Variants in CEP70 observed in about 807,000 individuals in gnomAD.
CEP70 encodes the protein centrosomal protein 70, also known as centrosomal protein of 70 kDa.
Under a neutral mutation model 90.9 loss-of-function variants are expected in CEP70, and 70 were observed. The observed-to-expected ratio is 0.77, with a 90% CI of 0.64 to 0.94. The LOEUF is 0.94. CEP70 is among the 40% of genes least tolerant of loss of function. The probability of loss-of-function intolerance (pLI) is 0.00; values close to 1 mark genes in which losing one functional copy is unlikely to be tolerated. For synonymous variants in CEP70, 220 were observed against 228.3 expected, an observed-to-expected ratio of 0.96 and a Z score of 0.33; for missense variants, 648 against 669.0, an observed-to-expected ratio of 0.97 and a Z score of 0.35.
At chr3:138,495,899 T>C in intron 17 of CEP70, 2 of 985,318 alleles carry the variant, frequency 2.0e-6, no homozygotes, top group Non-Finnish European at 2.4e-6. Flanking sequence ...CCTCATCGAG[T>C]GTACAAACCT....
chr3:138,551,350 C>A (rs1304741972), intron 6 of CEP70, among the ~76,000 whole-genome samples: 1 of 152,162 alleles, frequency 6.6e-6, no homozygotes, highest in Non-Finnish European at 1.5e-5. Flanking sequence ...AATACAAGAA[C>A]TACTAAAAGA....
At chr3:138,573,695 G>C (rs901253621) in intron 2 of CEP70, among the ~76,000 whole-genome samples, 1 of 152,166 alleles carries the variant, frequency 6.6e-6, no homozygotes, top group Admixed American at 6.6e-5. Flanking sequence ...TACATAATGA[G>C]ATCTTGTGAA....
At position 138,521,492 on chromosome 3, in the gene CEP70, T is replaced by C. The variant is rs185901880; in HGVS notation, c.944+3998A>G. Reference sequence around the variant, plus strand: ...CTAGGAAGTGAGGAGCGTCTCTGCCTGGCTGCCCATTGTCTGGGATGTGGG... The same window carrying C: ...CTAGGAAGTGAGGAGCGTCTCTGCCCGGCTGCCCATTGTCTGGGATGTGGG... On this transcript the variant is annotated intron_variant, in intron 11 of 17. Coordinates refer to ENST00000264982, the MANE Select transcript of CEP70 (RefSeq NM_024491.4). 4.7e-3 allele frequency among the ~76,000 whole-genome samples: 703 copies of C among 148,082 alleles called. 4 individuals carry two copies. Among genetic ancestry groups the C allele is most frequent in the African/African-American group, 0.017 (676 of 39,736 alleles).
intron 13 of CEP70, among the ~76,000 whole-genome samples, chr3:138,501,461 C>A (rs2034503367): frequency 6.6e-6 from 1 of 152,150 alleles, no homozygotes; most frequent in Non-Finnish European, 1.5e-5. Context: ...CCCTGCAGCT[C>A]CTAGGGTTAA....
chr3:138,522,354 G>A (rs1370527550), intron 11 of CEP70, among the ~76,000 whole-genome samples: 1 of 149,294 alleles, frequency 6.7e-6, no homozygotes. Context: ...CTAGCAAAAG[G>A]CAAGAAATAA....
intron 6 of CEP70, 147 bp from the exon 7 acceptor site, chr3:138,537,494 A>G (rs2038384503): frequency 2.0e-6 from 1 of 488,696 alleles, no homozygotes; most frequent in Non-Finnish European, 3.5e-6. Flanking sequence ...TTAAATGAGT[A>G]TAAGCTCCAG....
Position 138,525,599 on chromosome 3 carries a change from T to A in CEP70, c.870-35A>T, listed in dbSNP as rs149616624. 4.2e-4 allele frequency: 426 copies of A among 1,022,592 alleles called. No homozygotes were observed. The African/African-American group carries it at 6.6e-3, about 16-fold the overall frequency. The allele number at this position is 1,022,592 out of a possible 1,614,324, so 63.3% of individuals were successfully genotyped here. ...ATAAATAATGATAAATTAATTCAAT[T>A]TACTGAATAAAAGCATAAAGGTACT... On this transcript the variant is annotated intron_variant, in intron 10 of 17. Transcript: ENST00000264982.
At chr3:138,528,513 C>T (rs1576664564) in intron 10 of CEP70, among the ~76,000 whole-genome samples, 1 of 152,148 alleles carries the variant, frequency 6.6e-6, no homozygotes, top group East Asian at 1.9e-4. Context: ...AGCAAAGGAG[C>T]TAGAATGGTG....
chr3:138,527,394 T>C (rs963980182), intron 10 of CEP70, among the ~76,000 whole-genome samples: 5 of 151,848 alleles, frequency 3.3e-5, no homozygotes, highest in Non-Finnish European at 5.9e-5. Context: ...CAGGCCTGGC[T>C]AATTTTTAAA....
intron 6 of CEP70, among the ~76,000 whole-genome samples, chr3:138,562,152 A>G (rs996994324): frequency 2.0e-5 from 3 of 152,056 alleles, no homozygotes; most frequent in African/African-American, 7.2e-5. Flanking sequence ...ACAAGATTAG[A>G]GAAAAAAGAA....
At chr3:138,521,545 G>T (rs576771236) in intron 11 of CEP70, among the ~76,000 whole-genome samples, 1 of 150,160 alleles carries the variant, frequency 6.7e-6, no homozygotes, top group Non-Finnish European at 1.5e-5. Flanking sequence ...CGCCCCATCT[G>T]GGATGTGAGG....
In CEP70 at chr3:138,495,015, T is replaced by A; in HGVS notation, c.1794A>T (p.Ter598CysextTer14). The change falls in exon 18 of 18, where the codon TGA becomes TGT. Residue 598 changes from the stop codon to cysteine (C), a stop_lost. Transcript: ENST00000264982. ...AVKKLKVLSY[*>C] Reference sequence around the variant, plus strand: ...ACAGTAAAAATGATTTGATTTGTTTTCAGTATGAAAGTACTTTTAATTTCT... The same window carrying A: ...ACAGTAAAAATGATTTGATTTGTTTACAGTATGAAAGTACTTTTAATTTCT... 1 of 1,405,108 alleles carries A rather than the reference T, an allele frequency of 7.1e-7. No individual in the cohort carries two copies. Among genetic ancestry groups the A allele is most frequent in the Non-Finnish European group, 1.0e-6 (1 of 998,896 alleles). 87.0% of individuals were successfully genotyped at this position (1,405,108 alleles called of 1,614,324 possible).
intron 2 of CEP70, among the ~76,000 whole-genome samples, chr3:138,573,435 C>A (rs1459073675): frequency 1.3e-5 from 2 of 151,132 alleles, no homozygotes; most frequent in Non-Finnish European, 2.9e-5. Flanking sequence ...ACACTAATAT[C>A]TTCAATGTGC....
At chr3:138,568,725 A>C (rs1372103396) in intron 6 of CEP70, among the ~76,000 whole-genome samples, 1 of 152,140 alleles carries the variant, frequency 6.6e-6, no homozygotes, top group Non-Finnish European at 1.5e-5. Context: ...TCACACCTAT[A>C]ATCTCAGCAC....
intron 13 of CEP70, among the ~76,000 whole-genome samples, chr3:138,502,903 G>T (rs1482229968): frequency 6.6e-6 from 1 of 152,140 alleles, no homozygotes; most frequent in Non-Finnish European, 1.5e-5. Flanking sequence ...GAGTGTACTG[G>T]GTTGGGGAAA....
intron 10 of CEP70, 56 bp downstream of exon 10, chr3:138,529,143 T>C: frequency 9.4e-7 from 1 of 1,059,962 alleles, no homozygotes; most frequent in Admixed American, 2.2e-5. Context: ...TTGGCCTGAG[T>C]GACAGAGTGA....
At chr3:138,499,877 A>C in intron 16 of CEP70, 1 of 423,468 alleles carries the variant, frequency 2.4e-6, no homozygotes. Context: ...CAAACAGGGA[A>C]GGTAAATAAG....
chr3:138,550,049 A>G (rs886834510), intron 6 of CEP70, among the ~76,000 whole-genome samples: 1 of 152,212 alleles, frequency 6.6e-6, no homozygotes, highest in South Asian at 2.1e-4. Flanking sequence ...CCGTGGGACA[A>G]AAGAATCTGA....
Position 138,529,299 on chromosome 3 carries a change from T to C in CEP70, c.781-12A>G, listed in dbSNP as rs775455545. ...TGATTCTGTAATGACTGCAACACAT[T>C]TCATAGAAAAATAATTAACTTTCTT... is the stretch of plus-strand genomic sequence containing the variant. On this transcript the variant is annotated splice_polypyrimidine_tract_variant and intron_variant, in intron 9 of 17. Coordinates refer to ENST00000264982, the MANE Select transcript of CEP70 (RefSeq NM_024491.4). 23 of 1,583,454 alleles carry C rather than the reference T, an allele frequency of 1.5e-5. No individual in the cohort carries two copies. The highest frequency in any genetic ancestry group is 1.9e-5 in the Non-Finnish European group (22 of 1,161,324).
Sources: gnomAD v4.1 joint callset for allele counts (sites outside exome capture counted in the v4.1 genomes callset) on GRCh38, gnomAD v4.1.1 for gene constraint, MANE v1.5 for transcripts, NCBI Gene and HGNC (gene_info 2026-07-23, HGNC 2026-07-21) for gene names.